The following PELO variants were observed in gnomAD, a reference collection of about 807,000 sequenced individuals.
PELO encodes the protein protein pelota homolog.
A neutral mutation model predicts 25.9 loss-of-function variants in PELO; 19 were observed. The ratio of observed to expected loss-of-function variants is 0.73; its 90% confidence interval spans 0.51 to 1.08. PELO has a LOEUF of 1.08. Among genes scored for constraint, PELO ranks in the 50% least tolerant of loss-of-function variants. PELO has a pLI of 0.00. For missense variants in PELO, 498 were observed against 491.4 expected (o/e 1.01, Z -0.13); for synonymous variants, 196 against 192.2 (o/e 1.02, Z -0.16).
intron 1 of PELO, among the ~76,000 whole-genome samples, chr5:52,791,276 G>C (rs1021427349): frequency 6.6e-6 from 1 of 152,164 alleles, no homozygotes; most frequent in African/African-American, 2.4e-5. Flanking sequence ...GGAGCATCTA[G>C]CGCAAGCAAC....
chr5:52,801,850 C>G lies in PELO; in HGVS notation c.*10C>G. The G allele has an allele frequency of 6.4e-7, 1 of 1,557,360 alleles. No individual in the cohort carries two copies. The highest frequency in any genetic ancestry group is 8.7e-7 in the Non-Finnish European group (1 of 1,148,582). ...TTCTGAAGAGGATTAATGATTGAAA[C>G]TTAAAATTGAGACAATCTTGTGTTT... On this transcript the variant is annotated 3_prime_UTR_variant, in exon 3 of 3. Coordinates refer to ENST00000274311, the MANE Select transcript of PELO (RefSeq NM_015946.5).
rs983910010 is a variant in PELO at position 52,788,115 on chromosome 5, C to G, written c.-810C>G. On this transcript the variant is annotated 5_prime_UTR_variant, in exon 1 of 3. Transcript: ENST00000274311. ...AGTGAGATTTCAGAGACCAAGAGCG[C>G]GAAGGGGCGGGCGATGTGGCAATCC... 2 of 428,924 alleles carry G rather than the reference C, an allele frequency of 4.7e-6. No individual in the cohort carries two copies. The highest frequency in any genetic ancestry group is 2.1e-5 in the African/African-American group (1 of 48,368). 26.6% of individuals were successfully genotyped at this position (428,924 alleles called of 1,614,324 possible).
intron 1 of PELO, among the ~76,000 whole-genome samples, chr5:52,798,788 C>T (rs1231823583): frequency 2.0e-5 from 3 of 152,082 alleles, no homozygotes; most frequent in East Asian, 3.9e-4. Context: ...ATTTACATTG[C>T]CATGGTAAAT....
In PELO at chr5:52,800,290, C is replaced by T; in HGVS notation, c.-105C>T. The T allele has an allele frequency of 7.7e-7, 1 of 1,295,014 alleles. No homozygotes were observed. Among genetic ancestry groups the T allele is most frequent in the Non-Finnish European group, 1.1e-6 (1 of 923,734 alleles). The allele number at this position is 1,295,014 out of a possible 1,614,324, so 80.2% of individuals were successfully genotyped here. A position where few individuals can be genotyped will look rare whatever the true frequency, so the allele number is the denominator to read the frequency against. ...CCGCCAGGCAAGTGCCCTTAGAAAC[C>T]GGGCCCCGCCCCCTTCCTGGCCTGC... On this transcript the variant is annotated 5_prime_UTR_variant, in exon 2 of 3. Coordinates refer to ENST00000274311, the MANE Select transcript of PELO (RefSeq NM_015946.5).
chr5:52,792,210 C>A (rs1748255843), intron 1 of PELO, among the ~76,000 whole-genome samples: 1 of 152,156 alleles, frequency 6.6e-6, no homozygotes, highest in Admixed American at 6.5e-5. Context: ...AAGCAAGGGT[C>A]TTCTTTTCAC....
At chr5:52,792,338 T>C (rs1396330925) in intron 1 of PELO, among the ~76,000 whole-genome samples, 2 of 152,158 alleles carry the variant, frequency 1.3e-5, no homozygotes, top group African/African-American at 4.8e-5. Context: ...AGACAATGTA[T>C]TGTCAGGAAT....
intron 1 of PELO, among the ~76,000 whole-genome samples, chr5:52,789,079 G>A (rs987561886): frequency 3.9e-5 from 6 of 152,308 alleles, no homozygotes; most frequent in Admixed American, 1.3e-4. Flanking sequence ...ACATAAATGT[G>A]TATTTTTAAG....
intron 1 of PELO, among the ~76,000 whole-genome samples, chr5:52,795,007 A>C (rs1748314027): frequency 6.6e-6 from 1 of 152,028 alleles, no homozygotes; most frequent in Non-Finnish European, 1.5e-5. Context: ...CAAATATTGA[A>C]ATAGGCTTAT....
chr5:52,789,636 A>G (rs1748200829), intron 1 of PELO, among the ~76,000 whole-genome samples: 1 of 152,236 alleles, frequency 6.6e-6, no homozygotes. Context: ...ACTGCTGAAC[A>G]GCATTATAGC....
intron 1 of PELO, among the ~76,000 whole-genome samples, chr5:52,789,348 T>C (rs1187205790): frequency 6.6e-6 from 1 of 152,238 alleles, no homozygotes. Flanking sequence ...ATATCATTGA[T>C]ATTCAATTGT....
chr5:52,800,429 A>T lies in PELO; in HGVS notation c.35A>T (p.Asn12Ile). ...GTGAGGAAGAACATCGAGAAGGACA[A>T]TGCGGGCCAGGTGACCCTGGTCCCC... ...KLVRKNIEKDNAGQVTLVPEE... is the reference protein window; with the variant it reads ...KLVRKNIEKDIAGQVTLVPEE... Residue 12 changes from asparagine to isoleucine, a missense_variant, in exon 2 of 3, where the codon AAT becomes ATT. By Grantham distance (149) the Asn-to-Ile change is moderately radical (BLOSUM62 -3). Coordinates refer to ENST00000274311, the MANE Select transcript of PELO (RefSeq NM_015946.5). 1 of 1,614,026 alleles carries T rather than the reference A, an allele frequency of 6.2e-7. No homozygotes were observed. Among genetic ancestry groups the T allele is most frequent in the Non-Finnish European group, 8.5e-7 (1 of 1,180,014 alleles).
Position 52,800,515 on chromosome 5 carries a change from G to T in PELO, c.121G>T (p.Ala41Ser), listed in dbSNP as rs532592445. 3 of 1,614,106 alleles carry T rather than the reference G, an allele frequency of 1.9e-6. No homozygotes were observed. The highest frequency in any genetic ancestry group is 1.7e-5 in the Admixed American group (1 of 60,028). The change falls in exon 2 of 3, where the codon GCC (alanine) becomes TCC (serine). Residue 41 changes from alanine to serine, a missense_variant. By Grantham distance (99) the Ala-to-Ser change is moderately conservative. Transcript: ENST00000274311. ...NLVQVGDSLR[A>S]STIRKVQTES... ...CGTGCAGGTGGGCGACAGCCTGCGC[G>T]CCTCCACCATCCGCAAGGTACAGAC...
At chr5:52,795,389 AT>A (rs1748321500) in intron 1 of PELO, among the ~76,000 whole-genome samples, 1 of 151,856 alleles carries the variant, frequency 6.6e-6, no homozygotes, top group South Asian at 2.1e-4. Flanking sequence ...AAACAAGAAA[AT>A]TTATACAGCC....
rs537802580 is a variant in PELO, at chr5:52,800,135, G to T, written c.-260G>T. 7.8e-6 allele frequency: 4 copies of T among 511,870 alleles called. No individual in the cohort carries two copies. Among genetic ancestry groups the T allele is most frequent in the Non-Finnish European group, 1.4e-5 (4 of 281,906 alleles). 31.7% of individuals were successfully genotyped at this position (511,870 alleles called of 1,614,324 possible). A position where few individuals can be genotyped will look rare whatever the true frequency, so the allele number is the denominator to read the frequency against. On this transcript the variant is annotated 5_prime_UTR_variant, in exon 2 of 3. Transcript: ENST00000274311. ...CTGTTGCGTGCTGCCAGCGGGAACT[G>T]TGTAGGGGTAGATTTTCGCTGCAGT... is the stretch of plus-strand genomic sequence containing the variant.
Position 52,800,544 on chromosome 5 carries a change from G to A in PELO, c.150G>A (p.Glu50=), listed in dbSNP as rs1291200199. Reference sequence around the variant, plus strand: ...CCACCATCCGCAAGGTACAGACAGAGTCCTCCACGGGCAGCGTGGGCAGCA... The same window carrying A: ...CCACCATCCGCAAGGTACAGACAGAATCCTCCACGGGCAGCGTGGGCAGCA... The part of the protein sequence containing the change: ...RASTIRKVQT[E]SSTGSVGSNR... The change falls in exon 2 of 3, where the codon GAG becomes GAA. Residue 50 remains glutamate (E), a synonymous_variant. Transcript: ENST00000274311. 1 of 1,614,006 alleles carries A rather than the reference G, an allele frequency of 6.2e-7. No individual in the cohort carries two copies. Among genetic ancestry groups the A allele is most frequent in the Non-Finnish European group, 8.5e-7 (1 of 1,179,958 alleles).
intron 1 of PELO, among the ~76,000 whole-genome samples, chr5:52,799,206 TAA>T (rs1748404341): frequency 6.6e-6 from 1 of 152,210 alleles, no homozygotes; most frequent in African/African-American, 2.4e-5. Context: ...ATCGGTCTCT[TAA>T]AGAGGCAATC....
Position 52,801,097 on chromosome 5 carries a change from GAAAACCGGTCC to G in PELO, c.707_717del (p.Asn236IlefsTer20). 6.2e-7 allele frequency: 1 copy of G among 1,605,726 alleles called. No individual in the cohort carries two copies. The highest frequency in any genetic ancestry group is 8.5e-7 in the Non-Finnish European group (1 of 1,175,172). ...GAAGACCGACAACAAACTGCTCCTG[GAAAACCGGTCC>G]AAATTTCTTCAGGTAAAACAATCTT... On this transcript the variant is annotated frameshift_variant, in exon 2 of 3. Coordinates refer to ENST00000274311, the MANE Select transcript of PELO (RefSeq NM_015946.5). LOFTEE classifies it high-confidence loss of function.
At position 52,800,993 on chromosome 5, in the gene PELO, ATGT is replaced by A; in HGVS notation, c.603_605del (p.Val202del). The A allele has an allele frequency of 6.2e-7, 1 of 1,614,150 alleles. No individual in the cohort carries two copies. Among genetic ancestry groups the A allele is most frequent in the Non-Finnish European group, 8.5e-7 (1 of 1,180,010 alleles). On this transcript the variant is annotated inframe_deletion, in exon 2 of 3. Transcript: ENST00000274311. ...GCTATCCAGCGCCACATACACTTTG[ATGT>A]TGTAAAGTGCATCCTGGTGGCCAGC...
rs1254160869 is a variant in PELO at position 52,800,426 on chromosome 5, A to C, written c.32A>C (p.Asp11Ala). The change falls in exon 2 of 3, where the codon GAC (aspartate) becomes GCC (alanine). Residue 11 changes from aspartate (D) to alanine (A), a missense_variant. By Grantham distance (126) the Asp-to-Ala change is moderately radical. Coordinates refer to ENST00000274311, the MANE Select transcript of PELO (RefSeq NM_015946.5). ...CTCGTGAGGAAGAACATCGAGAAGG[A>C]CAATGCGGGCCAGGTGACCCTGGTC... is the stretch of plus-strand genomic sequence containing the variant. Reference protein sequence around the residue: MKLVRKNIEKDNAGQVTLVPE... With the variant: MKLVRKNIEKANAGQVTLVPE... 6.2e-7 allele frequency: 1 copy of C among 1,613,948 alleles called. No individual in the cohort carries two copies. The highest frequency in any genetic ancestry group is 1.7e-5 in the Admixed American group (1 of 60,010).
Sources: allele counts gnomAD v4.1 joint callset (sites outside exome capture counted in the v4.1 genomes callset), GRCh38; gene constraint gnomAD v4.1.1; transcripts MANE v1.5; gene names NCBI Gene and HGNC (gene_info 2026-07-23, HGNC 2026-07-21).